The following CUL7 variants were observed in gnomAD, a reference collection of about 807,000 sequenced individuals.
The protein encoded by CUL7 is cullin-7.
Under a neutral mutation model 177.7 loss-of-function variants are expected in CUL7, and 96 were observed. That is an observed-to-expected ratio of 0.54 (90% CI 0.46 to 0.64). The LOEUF is 0.64. Ranked by LOEUF, CUL7 falls within the 30% of genes least tolerant of loss-of-function variation. The pLI is 0.00. For missense variants in CUL7, 1,893 were observed against 2,187.9 expected (o/e 0.87, Z 2.69); for synonymous variants, 824 against 890.2 (o/e 0.93, Z 1.32).
At position 43,043,514 on chromosome 6, in the gene CUL7, T is replaced by A. The variant is rs1471059280; in HGVS notation, c.3289A>T (p.Thr1097Ser). ...GGCTCGACATGCACCAGCAGGTGAG[T>A]GAGACGGCGCACCCGCGAGAAGAAA... Reference protein sequence around the residue: ...PAFFSRVRRLTHLLVHVEPCE... With the variant: ...PAFFSRVRRLSHLLVHVEPCE... Residue 1097 changes from threonine (T) to serine (S), a missense_variant, in exon 17 of 26, where the codon ACT (threonine) becomes TCT (serine). Coordinates refer to ENST00000265348, the MANE Select transcript of CUL7 (RefSeq NM_014780.5). The surrounding 1 kb of genome is among the most constrained non-coding windows in gnomAD (Gnocchi z 4.2). The A allele has an allele frequency of 2.5e-6, 4 of 1,613,286 alleles. No individual in the cohort carries two copies. The East Asian group carries it at 8.9e-5, about 36-fold the overall frequency.
At position 43,037,629 on chromosome 6, in the gene CUL7, CTT is replaced by C; in HGVS notation, c.*57_*58del. On this transcript the variant is annotated 3_prime_UTR_variant, in exon 26 of 26. Transcript: ENST00000265348. ...AACACACACGTCATATAATCAAACT[CTT>C]GGGTTTTATTTCTGTAAAAGCTCCA... The C allele has an allele frequency of 1.1e-5, 16 of 1,455,226 alleles. No individual in the cohort carries two copies. The highest frequency in any genetic ancestry group is 1.3e-5 in the Non-Finnish European group (14 of 1,060,842). 90.1% of individuals were successfully genotyped at this position (1,455,226 alleles called of 1,614,324 possible). A position where few individuals can be genotyped will look rare whatever the true frequency, so the allele number is the denominator to read the frequency against.
At position 43,051,545 on chromosome 6, in the gene CUL7, A is replaced by T; in HGVS notation, c.732+67T>A. The T allele has an allele frequency of 6.2e-7, 1 of 1,613,960 alleles. No homozygotes were observed. Among genetic ancestry groups the T allele is most frequent in the Non-Finnish European group, 8.5e-7 (1 of 1,179,948 alleles). ...TCTCTCCATACCATCCTCTGCAGAT[A>T]GGTGCAAAGGCCTGGACCCTAGATC... On this transcript the variant is annotated intron_variant, in intron 3 of 25. Transcript: ENST00000265348. This position sits in a 1 kb window ranked among gnomAD's most constrained non-coding sequence, Gnocchi z 5.0.
At position 43,043,101 on chromosome 6, in the gene CUL7, G is replaced by C; in HGVS notation, c.3435C>G (p.Arg1145=). The part of the protein sequence containing the change: ...LPSSIMRNLT[R]CWRAVVEKQV... ...GCTTCTCCACCACGGCCCGCCAACA[G>C]CGCGTCAGGTTTCTCATGATGCTGC... Residue 1145 remains arginine (R), a synonymous_variant, in exon 18 of 26, where the codon CGC becomes CGG. Coordinates refer to ENST00000265348, the MANE Select transcript of CUL7 (RefSeq NM_014780.5). This position sits in a 1 kb window ranked among gnomAD's most constrained non-coding sequence, Gnocchi z 4.2. 2.5e-6 allele frequency: 4 copies of C among 1,614,124 alleles called. No homozygotes were observed. Among genetic ancestry groups the C allele is most frequent in the Non-Finnish European group, 3.4e-6 (4 of 1,180,024 alleles).
Position 43,045,907 on chromosome 6 carries a change from A to G in CUL7, c.2766+79T>C, listed in dbSNP as rs1763858531. 3.1e-6 allele frequency: 4 copies of G among 1,272,744 alleles called. No homozygotes were observed. The highest frequency in any genetic ancestry group is 4.5e-6 in the Non-Finnish European group (4 of 881,158). 78.8% of individuals were successfully genotyped at this position (1,272,744 alleles called of 1,614,324 possible). A position where few individuals can be genotyped will look rare whatever the true frequency, so the allele number is the denominator to read the frequency against. Reference sequence around the variant, plus strand: ...TCAAGACAGGTGGGAGTTAGAAAAAAGTAGGATAGGGCCAGATAGAAGCAG... The same window carrying G: ...TCAAGACAGGTGGGAGTTAGAAAAAGGTAGGATAGGGCCAGATAGAAGCAG... On this transcript the variant is annotated intron_variant, in intron 13 of 25. Coordinates refer to ENST00000265348, the MANE Select transcript of CUL7 (RefSeq NM_014780.5). The surrounding 1 kb of genome is among the most constrained non-coding windows in gnomAD (Gnocchi z 4.8).
At position 43,048,393 on chromosome 6, in the gene CUL7, C is replaced by T. The variant is rs773635618; in HGVS notation, c.2002G>A (p.Ala668Thr). The T allele has an allele frequency of 5.0e-6, 8 of 1,613,986 alleles. No individual in the cohort carries two copies. The highest frequency in any genetic ancestry group is 3.3e-5 in the South Asian group (3 of 91,074). Reference sequence around the variant, plus strand: ...GGAGTGTCCAGGCTCTGCATCAGTGCCAGGAAGGGCTGCGGCTGCCGCTGC... The same window carrying T: ...GGAGTGTCCAGGCTCTGCATCAGTGTCAGGAAGGGCTGCGGCTGCCGCTGC... ...QLQRQPQPFL[A>T]LMQSLDTPET... Residue 668 changes from alanine (A) to threonine (T), a missense_variant, in exon 8 of 26, where the codon GCA (alanine) becomes ACA (threonine). Around this residue, in one of 5 missense-constraint regions of CUL7, gnomAD observed 973 missense variants for 1,140.9 expected, o/e 0.85. Coordinates refer to ENST00000265348, the MANE Select transcript of CUL7 (RefSeq NM_014780.5).
Position 43,045,261 on chromosome 6 carries a change from C to T in CUL7, c.3004G>A (p.Glu1002Lys). The T allele has an allele frequency of 1.2e-6, 2 of 1,614,190 alleles. No individual in the cohort carries two copies. The highest frequency in any genetic ancestry group is 1.7e-6 in the Non-Finnish European group (2 of 1,180,032). Reference protein sequence around the residue: ...RAQAWSQDMAEDRRSLLHLSS... With the variant: ...RAQAWSQDMAKDRRSLLHLSS... ...AGGTGCAGGAGGCTCCTGCGGTCCT[C>T]TGCCATGTCCTGGCTCCAGGCCTGT... The change falls in exon 15 of 26, where the codon GAG (glutamate) becomes AAG (lysine). Residue 1002 changes from glutamate to lysine, a missense_variant. Glu to Lys is a moderately conservative substitution (Grantham distance 56). Around this residue, in one of 5 missense-constraint regions of CUL7, gnomAD observed 973 missense variants for 1,140.9 expected, o/e 0.85. Coordinates refer to ENST00000265348, the MANE Select transcript of CUL7 (RefSeq NM_014780.5). The surrounding 1 kb of genome is among the most constrained non-coding windows in gnomAD (Gnocchi z 4.8).
At position 43,043,190 on chromosome 6, in the gene CUL7, C is replaced by T. The variant is rs754820755; in HGVS notation, c.3356-10G>A. On this transcript the variant is annotated splice_polypyrimidine_tract_variant and intron_variant, in intron 17 of 25. Transcript: ENST00000265348. The surrounding 1 kb of genome is among the most constrained non-coding windows in gnomAD (Gnocchi z 4.2). Reference sequence around the variant, plus strand: ...CTTCTGTTTCTGCCTTCTGTAGAGACCAAGAAAGTGGCAGAGGCAAGGAGG... The same window carrying T: ...CTTCTGTTTCTGCCTTCTGTAGAGATCAAGAAAGTGGCAGAGGCAAGGAGG... 6.2e-7 allele frequency: 1 copy of T among 1,609,796 alleles called. No individual in the cohort carries two copies. The highest frequency in any genetic ancestry group is 8.5e-7 in the Non-Finnish European group (1 of 1,176,600).
In CUL7 at chr6:43,043,901, G is replaced by A. The variant is rs58300975; in HGVS notation, c.3173-271C>T. Among the ~76,000 whole-genome samples, 3,870 of 152,310 alleles carry A rather than the reference G, an allele frequency of 0.025. 145 individuals carry two copies. Among genetic ancestry groups the A allele is most frequent in the African/African-American group, 0.087 (3,623 of 41,534 alleles). On this transcript the variant is annotated intron_variant, in intron 16 of 25. Coordinates refer to ENST00000265348, the MANE Select transcript of CUL7 (RefSeq NM_014780.5). This position sits in a 1 kb window ranked among gnomAD's most constrained non-coding sequence, Gnocchi z 4.2. ...AAGCATAAAAAAATAGAAAAGGCCA[G>A]GTGCGGTGGCTCATGCCTGTAATCC... is the stretch of plus-strand genomic sequence containing the variant.
Position 43,040,551 on chromosome 6 carries a change from C to T in CUL7, c.4002G>A (p.Glu1334=), listed in dbSNP as rs1285463601. The T allele has an allele frequency of 6.2e-6, 10 of 1,614,064 alleles. No individual in the cohort carries two copies. The highest frequency in any genetic ancestry group is 8.5e-6 in the Non-Finnish European group (10 of 1,180,048). Reference sequence around the variant, plus strand: ...TCACCTGTATTTTCTTCTCTGTATCCTCCAGCTTCAGGAGTTCCTGATCCA... The same window carrying T: ...TCACCTGTATTTTCTTCTCTGTATCTTCCAGCTTCAGGAGTTCCTGATCCA... ...QQLDQELLKL[E]DTEKKIQVGL... Residue 1334 remains glutamate, a synonymous_variant, in exon 21 of 26, where the codon GAG becomes GAA. Coordinates refer to ENST00000265348, the MANE Select transcript of CUL7 (RefSeq NM_014780.5). The surrounding 1 kb of genome is among the most constrained non-coding windows in gnomAD (Gnocchi z 4.2).
At chr6:43,038,090 C>G in intron 25 of CUL7, 79 bp from the exon 26 acceptor site, 1 of 1,523,382 alleles carries the variant, frequency 6.6e-7, no homozygotes. Context: ...CTCCAACCAC[C>G]AGCTGCTAGG....
rs758444387 is a variant in CUL7, at chr6:43,048,418, C to T, written c.1977G>A (p.Leu659=). 1.9e-6 allele frequency: 3 copies of T among 1,614,060 alleles called. No homozygotes were observed. Among genetic ancestry groups the T allele is most frequent in the Non-Finnish European group, 1.7e-6 (2 of 1,179,924 alleles). ...CCAGGAAGGGCTGCGGCTGCCGCTGCAGCTGCAGCAGGAGTGGCTTGACCT... is the reference window on the plus strand; with the variant it reads ...CCAGGAAGGGCTGCGGCTGCCGCTGTAGCTGCAGCAGGAGTGGCTTGACCT... The part of the protein sequence containing the change: ...ENKVKPLLLQ[L]QRQPQPFLAL... The change falls in exon 8 of 26, where the codon CTG becomes CTA. Residue 659 remains leucine (L), a synonymous_variant. Coordinates refer to ENST00000265348, the MANE Select transcript of CUL7 (RefSeq NM_014780.5).
At position 43,041,077 on chromosome 6, in the gene CUL7, T is replaced by C. The variant is rs765053680; in HGVS notation, c.3646-2A>G. On this transcript the variant is annotated splice_acceptor_variant, in intron 19 of 25. Transcript: ENST00000265348. LOFTEE classifies it high-confidence loss of function. ...GTGCCGGGCGAACTGCTCACTCACC[T>C]GAGCAATGGCAGAGCACAGGAAAGC... 3 of 1,613,646 alleles carry C rather than the reference T, an allele frequency of 1.9e-6. No individual in the cohort carries two copies. Among genetic ancestry groups the C allele is most frequent in the East Asian group, 2.2e-5 (1 of 44,872 alleles).
At chr6:43,048,619 G>A (rs990716294) in intron 7 of CUL7, 50 bp from the exon 8 acceptor site, 1 of 1,261,286 alleles carries the variant, frequency 7.9e-7, no homozygotes, top group African/African-American at 1.5e-5. Flanking sequence ...GTAATGTGAA[G>A]GCTCAGAAAT....
At position 43,042,877 on chromosome 6, in the gene CUL7, C is replaced by T; in HGVS notation, c.3570G>A (p.Arg1190=). The change falls in exon 19 of 26, where the codon CGG becomes CGA. Residue 1190 remains arginine (R), a synonymous_variant. Coordinates refer to ENST00000265348, the MANE Select transcript of CUL7 (RefSeq NM_014780.5). ...QNSSSELFGP[R]AAFLLALQNG... ...TTTGCAGCGCCAGCAAGAAGGCTGC[C>T]CGAGGCCCAAACAGTTCAGAGCTTG... 6.2e-7 allele frequency: 1 copy of T among 1,614,010 alleles called. No homozygotes were observed. The highest frequency in any genetic ancestry group is 8.5e-7 in the Non-Finnish European group (1 of 1,179,962).
At chr6:43,048,042 T>C (rs1764061464) in intron 9 of CUL7, 106 bp downstream of exon 9, 4 of 699,870 alleles carry the variant, frequency 5.7e-6, no homozygotes, top group Non-Finnish European at 1.0e-5. Flanking sequence ...AACCAAGAGC[T>C]CAAAGGCTCT....
rs557439264 is a variant in CUL7, at chr6:43,053,326, A to C, written c.-9+296T>G. ...GGGCAAGGCGCGATGGACTAGGAGG[A>C]GGCACTGGTGGGTTGGAGGCGCCTC... On this transcript the variant is annotated intron_variant, in intron 1 of 25. Coordinates refer to ENST00000265348, the MANE Select transcript of CUL7 (RefSeq NM_014780.5). The surrounding 1 kb of genome is among the most constrained non-coding windows in gnomAD (Gnocchi z 4.1). Among the ~76,000 whole-genome samples, 22 of 151,994 alleles carry C rather than the reference A, an allele frequency of 1.4e-4. No individual in the cohort carries two copies. Among genetic ancestry groups the C allele is most frequent in the Non-Finnish European group, 2.6e-4 (18 of 67,940 alleles).
In CUL7 at chr6:43,046,928, G is replaced by T. The variant is rs763703501; in HGVS notation, c.2349C>A (p.Ala783=). Residue 783 remains alanine, a synonymous_variant, in exon 10 of 26, where the codon GCC becomes GCA. Coordinates refer to ENST00000265348, the MANE Select transcript of CUL7 (RefSeq NM_014780.5). ...RDMVFKCEKH[A]HLYRKLITNI... ...TGGTGATGAGTTTGCGGTAGAGGTGGGCATGCTTCTCACACTTGAACACCA... is the reference window on the plus strand; with the variant it reads ...TGGTGATGAGTTTGCGGTAGAGGTGTGCATGCTTCTCACACTTGAACACCA... 1.9e-6 allele frequency: 3 copies of T among 1,612,968 alleles called. No individual in the cohort carries two copies. Among genetic ancestry groups the T allele is most frequent in the Admixed American group, 3.3e-5 (2 of 59,968 alleles).
intron 11 of CUL7, 51 bp downstream of exon 11, chr6:43,046,460 G>C: frequency 6.2e-7 from 1 of 1,614,150 alleles, no homozygotes; most frequent in South Asian, 1.1e-5. Context: ...GTGTAGAGGG[G>C]AAACAGACAT....
In CUL7 at chr6:43,040,235, G is replaced by A. The variant is rs1398163936; in HGVS notation, c.4215C>T (p.Cys1405=). 6.2e-7 allele frequency: 1 copy of A among 1,614,062 alleles called. No individual in the cohort carries two copies. The highest frequency in any genetic ancestry group is 1.3e-5 in the African/African-American group (1 of 74,904). The change falls in exon 22 of 26, where the codon TGC becomes TGT. Residue 1405 remains cysteine, a synonymous_variant. Coordinates refer to ENST00000265348, the MANE Select transcript of CUL7 (RefSeq NM_014780.5). This position sits in a 1 kb window ranked among gnomAD's most constrained non-coding sequence, Gnocchi z 4.2. ...GGCAGGTTCTGGGGTTCAGTGTGTG[G>A]CAGATTGAGGCAACAGGCCAGGAGT... is the stretch of plus-strand genomic sequence containing the variant. ...SRHSWPVASI[C]HTLNPRTCLP... is the part of the protein sequence containing the mutation.
Sources: gnomAD v4.1 joint callset for allele counts (sites outside exome capture counted in the v4.1 genomes callset) on GRCh38, gnomAD v4.1.1 for gene constraint, gnomAD v4.1.1 regional missense constraint, Gnocchi (gnomAD v3.1) non-coding constraint, MANE v1.5 for transcripts, NCBI Gene and HGNC (gene_info 2026-07-23, HGNC 2026-07-21) for gene names.